ANO4: variants seen among roughly 807,000 people sequenced by gnomAD.
ANO4 encodes the protein anoctamin-4.
Under a neutral mutation model 141.9 loss-of-function variants are expected in ANO4, and 69 were observed. That is an observed-to-expected ratio of 0.49 (90% CI 0.40 to 0.59). ANO4 has a LOEUF of 0.59. Ranked by LOEUF, ANO4 falls within the 20% of genes least tolerant of loss-of-function variation. The pLI is 0.00. For missense variants in ANO4, 894 were observed against 1,162.2 expected (o/e 0.77, Z 3.36); for synonymous variants, 350 against 394.3 (o/e 0.89, Z 1.33).
intron 5 of ANO4, among the ~76,000 whole-genome samples, chr12:100,964,218 G>T (rs774361635): frequency 6.6e-6 from 1 of 152,178 alleles, no homozygotes; most frequent in African/African-American, 2.4e-5. Flanking sequence ...TGAAACAGCA[G>T]TTCTGAAGCC....
intron 3 of ANO4, among the ~76,000 whole-genome samples, chr12:100,925,423 C>T (rs775866007): frequency 3.1e-4 from 46 of 150,728 alleles, no homozygotes; most frequent in East Asian, 1.8e-3. Context: ...TGAGAACATG[C>T]GGTGTTTGGT....
At chr12:100,966,817 A>G (rs1053792826) in intron 5 of ANO4, among the ~76,000 whole-genome samples, 2 of 132,942 alleles carry the variant, frequency 1.5e-5, no homozygotes, top group East Asian at 2.4e-4. Flanking sequence ...ACACACACAC[A>G]TATATATATA....
At chr12:101,053,652 T>G (rs1198612307) in intron 14 of ANO4, among the ~76,000 whole-genome samples, 1 of 152,208 alleles carries the variant, frequency 6.6e-6, no homozygotes, top group South Asian at 2.1e-4. Flanking sequence ...TATCTTCTTC[T>G]CAAGACGGTG....
intron 1 of ANO4, among the ~76,000 whole-genome samples, chr12:100,823,938 T>C (rs1322062194): frequency 6.6e-6 from 1 of 152,070 alleles, no homozygotes; most frequent in African/African-American, 2.4e-5. Context: ...AATTAGATTT[T>C]TCATACAGTA....
chr12:101,033,346 T>C (rs1421974367), intron 9 of ANO4, among the ~76,000 whole-genome samples: 4 of 151,922 alleles, frequency 2.6e-5, no homozygotes, highest in Admixed American at 1.3e-4. Context: ...AGGGATAGCA[T>C]TGGGAGATAC....
intron 1 of ANO4, among the ~76,000 whole-genome samples, chr12:100,901,393 C>A (rs1233117600): frequency 6.6e-6 from 1 of 152,156 alleles, no homozygotes; most frequent in Non-Finnish European, 1.5e-5. Flanking sequence ...TTGGCAACAG[C>A]ATGTCAAATA....
chr12:101,128,060 T>G lies in ANO4; in HGVS notation c.*204T>G, dbSNP rs925525227. ...AATCACGTTGCAGTCCAGCGCACAA[T>G]TGCTATCTATCCATAGACCATTCTT... is the stretch of plus-strand genomic sequence containing the variant. On this transcript the variant is annotated 3_prime_UTR_variant, in exon 28 of 28. Transcript: ENST00000392977. The G allele has an allele frequency of 1.0e-4, 16 of 152,658 alleles. No individual in the cohort carries two copies. Among genetic ancestry groups the G allele is most frequent in the Admixed American group, 3.3e-4 (5 of 15,290 alleles). The allele number at this position is 152,658 out of a possible 1,614,324, so 9.5% of individuals were successfully genotyped here. A position where few individuals can be genotyped will look rare whatever the true frequency, so the allele number is the denominator to read the frequency against.
chr12:100,948,304 A>G (rs2042825888), intron 5 of ANO4, among the ~76,000 whole-genome samples: 1 of 152,142 alleles, frequency 6.6e-6, no homozygotes. Flanking sequence ...TCTAGTAGCC[A>G]TAGACTTGAA....
At chr12:100,819,812 CTGAG>C (rs1216307640) in intron 1 of ANO4, among the ~76,000 whole-genome samples, 1 of 151,844 alleles carries the variant, frequency 6.6e-6, no homozygotes, top group Non-Finnish European at 1.5e-5. Flanking sequence ...GAAGGAGAAA[CTGAG>C]TAAGTTCCTC....
chr12:101,075,124 G>A lies in ANO4; in HGVS notation c.1313-4069G>A, dbSNP rs542727627. Among the ~76,000 whole-genome samples, 70 of 152,224 alleles carry A rather than the reference G, an allele frequency of 4.6e-4. 1 individual carries two copies. Among genetic ancestry groups the A allele is most frequent in the Middle Eastern group, 3.4e-3 (1 of 294 alleles). On this transcript the variant is annotated intron_variant, in intron 14 of 27. Transcript: ENST00000392977. ...AGGGGGCGTAGTTACAGAACACACG[G>A]GGCTAAACCTGAAAGTGAGGGTAGG...
At chr12:100,731,438 T>C (rs1214319014) in intron 1 of ANO4, among the ~76,000 whole-genome samples, 2 of 152,326 alleles carry the variant, frequency 1.3e-5, no homozygotes, top group South Asian at 2.1e-4. Flanking sequence ...TCCCCACATA[T>C]ACTCCCCTGT....
intron 3 of ANO4, among the ~76,000 whole-genome samples, chr12:100,766,101 ATAAG>A: frequency 6.6e-6 from 1 of 152,288 alleles, no homozygotes; most frequent in African/African-American, 2.4e-5. Flanking sequence ...TATTCTACAT[ATAAG>A]TAAGATCATG....
At chr12:101,079,909 T>C (rs1014673066) in intron 15 of ANO4, among the ~76,000 whole-genome samples, 10 of 152,208 alleles carry the variant, frequency 6.6e-5, no homozygotes, top group Admixed American at 3.3e-4. Context: ...AGTCTCTTCT[T>C]GCCCCTATTC....
At chr12:100,922,103 G>A in intron 2 of ANO4, 123 bp from the exon 3 acceptor site, 1 of 561,776 alleles carries the variant, frequency 1.8e-6, no homozygotes, top group Non-Finnish European at 2.8e-6. Context: ...GTCTAAGAAG[G>A]AGGATCATTG....
chr12:100,797,145 TAC>T (rs60067279), intron 1 of ANO4, among the ~76,000 whole-genome samples: 2,032 of 151,736 alleles, frequency 0.013, 51 homozygotes, highest in African/African-American at 0.047. Context: ...TATATATATA[TAC>T]ACACATATAC....
At chr12:100,953,931 A>T (rs1196116590) in intron 5 of ANO4, among the ~76,000 whole-genome samples, 1 of 152,078 alleles carries the variant, frequency 6.6e-6, no homozygotes, top group Non-Finnish European at 1.5e-5. Flanking sequence ...GATAGAGGTA[A>T]ACTCTGGTGT....
intron 9 of ANO4, among the ~76,000 whole-genome samples, chr12:101,027,077 C>T (rs2046769300): frequency 6.6e-6 from 1 of 152,162 alleles, no homozygotes; most frequent in Non-Finnish European, 1.5e-5. Flanking sequence ...ACTTGATCCA[C>T]AGAGAGGAAG....
At chr12:100,846,816 AG>A (rs1464276117) in intron 1 of ANO4, among the ~76,000 whole-genome samples, 1 of 152,058 alleles carries the variant, frequency 6.6e-6, no homozygotes, top group East Asian at 1.9e-4. Flanking sequence ...CAGTTTTCAA[AG>A]CACACCATGT....
chr12:100,780,754 G>A (rs192293745), intron 3 of ANO4, among the ~76,000 whole-genome samples: 1 of 152,102 alleles, frequency 6.6e-6, no homozygotes, highest in Non-Finnish European at 1.5e-5. Context: ...ATGTTGCCCA[G>A]GCTGGTCTTG....
Sources: gnomAD v4.1 joint callset for allele counts (sites outside exome capture counted in the v4.1 genomes callset) on GRCh38, gnomAD v4.1.1 for gene constraint, MANE v1.5 for transcripts, NCBI Gene and HGNC (gene_info 2026-07-23, HGNC 2026-07-21) for gene names.